Variants in DST observed in about 807,000 individuals in gnomAD.
DST encodes dystonin.
Under a neutral mutation model 875.2 loss-of-function variants are expected in DST, and 253 were observed. The ratio of observed to expected loss-of-function variants is 0.29; its 90% CI spans 0.26 to 0.32. The LOEUF (loss-of-function observed/expected upper bound fraction) is 0.32. Ranked by LOEUF, DST falls within the 10% of genes least tolerant of loss-of-function variation. The pLI, the probability that DST is intolerant of heterozygous loss-of-function variation, is 1.00. For missense variants in DST, 8,287 were observed against 9,111.6 expected (o/e 0.91, Z 3.68); for synonymous variants, 3,124 against 3,197.1 (o/e 0.98, Z 0.77).
intron 93 of DST, among the ~76,000 whole-genome samples, chr6:56,472,967 T>C (rs528844231): frequency 6.6e-6 from 1 of 152,358 alleles, no homozygotes; most frequent in Non-Finnish European, 1.5e-5. Flanking sequence ...GAATGTTAAG[T>C]GTCCCAGCTA....
intron 49 of DST, among the ~76,000 whole-genome samples, chr6:56,580,365 A>G (rs1019675850): frequency 6.6e-6 from 1 of 151,924 alleles, no homozygotes; most frequent in Admixed American, 6.6e-5. Context: ...TGGGTAATAA[A>G]GTGAGACCTT....
chr6:56,949,670 C>G (rs1193579833), intron 2 of DST, among the ~76,000 whole-genome samples: 1 of 152,178 alleles, frequency 6.6e-6, no homozygotes, highest in Admixed American at 6.5e-5. Context: ...CATGTGCACA[C>G]TTACAACTTA....
At chr6:56,642,809 T>C in intron 15 of DST, 1 of 1,613,538 alleles carries the variant, frequency 6.2e-7, no homozygotes, top group African/African-American at 1.3e-5. Flanking sequence ...GAAACGATGT[T>C]CTTTCTTTCA....
At position 56,629,343 on chromosome 6, in the gene DST, T is replaced by C. The variant is rs752803106; in HGVS notation, c.4382A>G (p.Tyr1461Cys). 3.1e-6 allele frequency: 5 copies of C among 1,613,658 alleles called. No individual in the cohort carries two copies. The highest frequency in any genetic ancestry group is 1.1e-5 in the South Asian group (1 of 91,080). ...GTCAAAATCAAGGTCCCGTTCTTTA[T>C]ACGTTTTAAACATTTCATCACTGAT... is the stretch of plus-strand genomic sequence containing the variant. ...KAISDEMFKT[Y>C]KERDLDFDWH... Residue 1461 changes from tyrosine to cysteine, a missense_variant, in exon 32 of 104, where the codon TAT becomes TGT. Tyr to Cys is a radical substitution (Grantham distance 194). This residue lies in a region of DST where 3,138 missense variants were observed against 3,116.6 expected (regional missense o/e 1.01). Transcript: ENST00000680361.
rs1245650568 is a variant in DST, at chr6:56,850,295, C to A, written c.625+1102G>T. Among the ~76,000 whole-genome samples the A allele has an allele frequency of 2.6e-5, 4 of 151,654 alleles. No homozygotes were observed. In the East Asian group the frequency reaches 5.8e-4, roughly 22 times the overall value. Reference sequence around the variant, plus strand: ...TTTTTCCCGTAATCAGAAAATCCCACTGGGGGGACAAAAAGGGGGTTCTCA... The same window carrying A: ...TTTTTCCCGTAATCAGAAAATCCCAATGGGGGGACAAAAAGGGGGTTCTCA... On this transcript the variant is annotated intron_variant, in intron 4 of 103. Coordinates refer to ENST00000680361, the MANE Select transcript of DST (RefSeq NM_001374736.1).
chr6:56,941,432 T>G (rs1816523000), intron 2 of DST, among the ~76,000 whole-genome samples: 1 of 152,188 alleles, frequency 6.6e-6, no homozygotes, highest in Admixed American at 6.5e-5. Context: ...TGACCCAGAA[T>G]ATAGTCTGTC....
intron 4 of DST, among the ~76,000 whole-genome samples, chr6:56,789,283 A>G (rs757121421): frequency 1.3e-5 from 2 of 152,172 alleles, no homozygotes; most frequent in Non-Finnish European, 2.9e-5. Context: ...ACAGTAAGCT[A>G]TAATTGCACT....
intron 4 of DST, among the ~76,000 whole-genome samples, chr6:56,773,660 C>T (rs2152980550): frequency 6.6e-6 from 1 of 152,256 alleles, no homozygotes; most frequent in South Asian, 2.1e-4. Context: ...TGCCAGATCA[C>T]CTGCTTTTAT....
chr6:56,462,157 A>C (rs1055939681), intron 102 of DST: 2 of 152,168 alleles, frequency 1.3e-5, no homozygotes, highest in Non-Finnish European at 2.9e-5. Flanking sequence ...ACCTTCTTCA[A>C]TTTCAAGAAA....
chr6:56,605,844 AGT>A lies in DST; in HGVS notation c.8782_8783del (p.Thr2928Ter). ...CAGGGCCAAAAGTTTTTTCAGATTC[AGT>A]GTCTTTAATGATAGGCGGCAATACA... ...KDVLPPIIKD[T>X]ESEKTFGPAS... is the part of the protein sequence containing the mutation. On this transcript the variant is annotated frameshift_variant, in exon 40 of 104. Coordinates refer to ENST00000680361, the MANE Select transcript of DST (RefSeq NM_001374736.1). LOFTEE classifies it high-confidence loss of function. The A allele has an allele frequency of 6.2e-7, 1 of 1,612,520 alleles. No individual in the cohort carries two copies. The highest frequency in any genetic ancestry group is 8.5e-7 in the Non-Finnish European group (1 of 1,179,204).
intron 4 of DST, among the ~76,000 whole-genome samples, chr6:56,844,492 A>G (rs1185461466): frequency 6.6e-6 from 1 of 152,190 alleles, no homozygotes; most frequent in African/African-American, 2.4e-5. Context: ...CTTAAATTAG[A>G]TATATGTGTA....
intron 36 of DST, chr6:56,618,439 A>G: frequency 6.2e-7 from 1 of 1,614,118 alleles, no homozygotes. Flanking sequence ...TTTGAATTTC[A>G]CACTGGAGCA....
At chr6:56,652,093 G>A (rs1263012312) in intron 10 of DST, among the ~76,000 whole-genome samples, 1 of 152,102 alleles carries the variant, frequency 6.6e-6, no homozygotes, top group Non-Finnish European at 1.5e-5. Context: ...GCACACATGT[G>A]TGCATGTGCC....
chr6:56,494,453 A>G (rs959230999), intron 82 of DST, among the ~76,000 whole-genome samples: 2 of 152,150 alleles, frequency 1.3e-5, no homozygotes, highest in African/African-American at 4.8e-5. Context: ...AATGCTGTCA[A>G]GAAAGCTTTC....
At chr6:56,678,229 G>A (rs1225190956) in intron 9 of DST, among the ~76,000 whole-genome samples, 1 of 152,186 alleles carries the variant, frequency 6.6e-6, no homozygotes, top group Non-Finnish European at 1.5e-5. Flanking sequence ...TCAGTGCTTT[G>A]TTTCTTCATT....
intron 54 of DST, among the ~76,000 whole-genome samples, chr6:56,569,344 A>C (rs1039447339): frequency 2.7e-5 from 4 of 149,126 alleles, no homozygotes; most frequent in East Asian, 1.9e-4. Context: ...AAAAAACAAA[A>C]ACACACACAC....
intron 4 of DST, among the ~76,000 whole-genome samples, chr6:56,780,300 C>G (rs2099690289): frequency 6.6e-6 from 1 of 152,042 alleles, no homozygotes; most frequent in Non-Finnish European, 1.5e-5. Flanking sequence ...GGAATCGCCA[C>G]ACTGTCTTCC....
intron 5 of DST, among the ~76,000 whole-genome samples, chr6:56,718,112 T>C (rs2099401335): frequency 4.6e-5 from 7 of 152,116 alleles, no homozygotes; most frequent in Admixed American, 4.6e-4. Context: ...GGTGTGATGG[T>C]ATGTACCGGT....
At chr6:56,639,206 G>A in intron 22 of DST, 53 bp downstream of exon 22, 2 of 1,420,302 alleles carry the variant, frequency 1.4e-6, no homozygotes, top group Non-Finnish European at 2.0e-6. Context: ...AGAATCTGAA[G>A]GGAAATAATC....
Sources: allele counts gnomAD v4.1 joint callset (sites outside exome capture counted in the v4.1 genomes callset), GRCh38; gene constraint gnomAD v4.1.1; regional missense constraint gnomAD v4.1.1; transcripts MANE v1.5; gene names NCBI Gene and HGNC (gene_info 2026-07-23, HGNC 2026-07-21).